The following RERG variants were observed in gnomAD, a reference collection of about 807,000 sequenced individuals.
RERG encodes ras-related and estrogen-regulated growth inhibitor.
Under a neutral mutation model 23.2 loss-of-function variants are expected in RERG, and 25 were observed. The observed-to-expected ratio is 1.08, with a 90% CI of 0.79 to 1.50. The LOEUF is 1.50. Among genes scored for constraint, RERG ranks in the 40% most tolerant of loss-of-function variants. The pLI, the probability that RERG is intolerant of heterozygous loss-of-function variation, is 0.00. For synonymous variants in RERG, 81 were observed against 89.1 expected (o/e 0.91, Z 0.51); for missense variants, 253 against 250.1 (o/e 1.01, Z -0.08).
rs1863541496 is a variant in RERG at position 15,108,584 on chromosome 12, A to G, written c.*526T>C. ...AGTGAGAAGATGCTTGAACTGAAGAACAAAATAAAATTTTAAAGAAAACCT... is the reference window on the plus strand; with the variant it reads ...AGTGAGAAGATGCTTGAACTGAAGAGCAAAATAAAATTTTAAAGAAAACCT... On this transcript the variant is annotated 3_prime_UTR_variant, in exon 5 of 5. Coordinates refer to ENST00000256953, the MANE Select transcript of RERG (RefSeq NM_032918.3). The G allele has an allele frequency of 6.6e-6, 1 of 152,668 alleles. No homozygotes were observed. The highest frequency in any genetic ancestry group is 2.4e-5 in the African/African-American group (1 of 41,470). The allele number at this position is 152,668 out of a possible 1,614,324, so 9.5% of individuals were successfully genotyped here. A position where few individuals can be genotyped will look rare whatever the true frequency, so the allele number is the denominator to read the frequency against.
chr12:15,157,809 A>G (rs1864545155), intron 2 of RERG, among the ~76,000 whole-genome samples: 1 of 152,142 alleles, frequency 6.6e-6, no homozygotes, highest in Non-Finnish European at 1.5e-5. Flanking sequence ...ATATATTTTC[A>G]AACTTAGAAA....
At chr12:15,113,099 A>G (rs1863652759) in intron 3 of RERG, among the ~76,000 whole-genome samples, 1 of 152,246 alleles carries the variant, frequency 6.6e-6, no homozygotes, top group South Asian at 2.1e-4. Flanking sequence ...CAATCCTGGC[A>G]TTACAATTCT....
At chr12:15,140,162 G>A (rs1864212765) in intron 2 of RERG, among the ~76,000 whole-genome samples, 1 of 152,092 alleles carries the variant, frequency 6.6e-6, no homozygotes, top group African/African-American at 2.4e-5. Context: ...ATATTAGGAG[G>A]TGGAGCCTTT....
chr12:15,208,415 G>A (rs1865321959), intron 2 of RERG, among the ~76,000 whole-genome samples: 1 of 152,142 alleles, frequency 6.6e-6, no homozygotes, highest in Admixed American at 6.5e-5. Context: ...TCATAATAAG[G>A]AGACTATTTA....
At chr12:15,172,963 A>G (rs1864796984) in intron 2 of RERG, among the ~76,000 whole-genome samples, 1 of 152,064 alleles carries the variant, frequency 6.6e-6, no homozygotes, top group Admixed American at 6.6e-5. Context: ...CCTTTAATGC[A>G]TAAAAAGTTT....
At chr12:15,212,204 C>A (rs1408906753) in intron 2 of RERG, among the ~76,000 whole-genome samples, 1 of 149,618 alleles carries the variant, frequency 6.7e-6, no homozygotes, top group South Asian at 2.1e-4. Context: ...GGACTACAGG[C>A]GCCCGCCACC....
chr12:15,182,044 A>C (rs1864929833), intron 2 of RERG, among the ~76,000 whole-genome samples: 1 of 150,826 alleles, frequency 6.6e-6, no homozygotes, highest in Non-Finnish European at 1.5e-5. Flanking sequence ...ACACTAAACT[A>C]ATTAACTTTT....
chr12:15,147,038 T>G (rs1218304620), intron 2 of RERG, among the ~76,000 whole-genome samples: 3 of 151,262 alleles, frequency 2.0e-5, no homozygotes, highest in Non-Finnish European at 2.9e-5. Flanking sequence ...TTTGATTGTG[T>G]CCAGCTTCTA....
chr12:15,172,937 C>T (rs1864796678), intron 2 of RERG, among the ~76,000 whole-genome samples: 1 of 151,902 alleles, frequency 6.6e-6, no homozygotes, highest in African/African-American at 2.4e-5. Flanking sequence ...TTTTCTTTTA[C>T]TTCCTTTGAT....
At chr12:15,123,832 A>G (rs181309516) in intron 2 of RERG, among the ~76,000 whole-genome samples, 1 of 152,138 alleles carries the variant, frequency 6.6e-6, no homozygotes, top group East Asian at 1.9e-4. Context: ...CAGAAGTTTT[A>G]AGGTTTGACA....
At chr12:15,154,181 T>C (rs1864486680) in intron 2 of RERG, 1 of 152,208 alleles carries the variant, frequency 6.6e-6, no homozygotes. Context: ...GTTGAGGCAG[T>C]GCTAGCAAAC....
intron 2 of RERG, among the ~76,000 whole-genome samples, chr12:15,196,508 G>A (rs1478907698): frequency 6.6e-6 from 1 of 152,126 alleles, no homozygotes; most frequent in Non-Finnish European, 1.5e-5. Context: ...CGTGTTCAAC[G>A]TCTAAGCCCT....
chr12:15,205,733 G>C (rs1259707013), intron 2 of RERG, among the ~76,000 whole-genome samples: 2 of 151,930 alleles, frequency 1.3e-5, no homozygotes, highest in African/African-American at 4.8e-5. Context: ...CACAAAACAA[G>C]AAAGAACTTT....
chr12:15,213,952 A>G (rs976748024), intron 2 of RERG, among the ~76,000 whole-genome samples: 1 of 151,974 alleles, frequency 6.6e-6, no homozygotes, highest in Admixed American at 6.6e-5. Flanking sequence ...TATAATTGAC[A>G]TTAACCAGAT....
intron 2 of RERG, among the ~76,000 whole-genome samples, chr12:15,179,023 C>G (rs907556581): frequency 2.6e-5 from 4 of 151,902 alleles, no homozygotes; most frequent in Non-Finnish European, 5.9e-5. Flanking sequence ...TCCCCATGCC[C>G]CAGTTAAAGA....
At chr12:15,145,658 G>A (rs1261473511) in intron 2 of RERG, among the ~76,000 whole-genome samples, 1 of 152,232 alleles carries the variant, frequency 6.6e-6, no homozygotes, top group Non-Finnish European at 1.5e-5. Flanking sequence ...GCACAGAGGG[G>A]CAGCTGTGCC....
intron 2 of RERG, among the ~76,000 whole-genome samples, chr12:15,206,490 T>G (rs748623814): frequency 5.3e-5 from 8 of 152,150 alleles, no homozygotes; most frequent in Non-Finnish European, 1.0e-4. Context: ...CTCAGCAAAC[T>G]TAACACAGTG....
At chr12:15,196,250 C>T (rs1209059972) in intron 2 of RERG, among the ~76,000 whole-genome samples, 1 of 152,126 alleles carries the variant, frequency 6.6e-6, no homozygotes, top group Non-Finnish European at 1.5e-5. Context: ...CATTGCCCAT[C>T]CCTGTTTAAC....
At position 15,109,259 on chromosome 12, in the gene RERG, T is replaced by C; in HGVS notation, c.451A>G (p.Thr151Ala). ...ACAFYECSACTGEGNITEIFY... is the reference protein window; with the variant it reads ...ACAFYECSACAGEGNITEIFY... ...ATCTCTGTGATGTTCCCTTCTCCAG[T>C]GCAGGCAGAGCACTCGTAAAAAGCA... is the stretch of plus-strand genomic sequence containing the variant. Residue 151 changes from threonine (T) to alanine (A), a missense_variant, in exon 5 of 5, where the codon ACT becomes GCT. Physicochemically the swap from Thr to Ala is moderately conservative, Grantham distance 58. Coordinates refer to ENST00000256953, the MANE Select transcript of RERG (RefSeq NM_032918.3). 6.2e-7 allele frequency: 1 copy of C among 1,614,152 alleles called. No homozygotes were observed. Among genetic ancestry groups the C allele is most frequent in the Non-Finnish European group, 8.5e-7 (1 of 1,180,008 alleles).
Sources: gnomAD v4.1 joint callset for allele counts (sites outside exome capture counted in the v4.1 genomes callset) on GRCh38, gnomAD v4.1.1 for gene constraint, MANE v1.5 for transcripts, NCBI Gene and HGNC (gene_info 2026-07-23, HGNC 2026-07-21) for gene names.